DLGAP3: variants seen among roughly 807,000 people sequenced by gnomAD.
The protein encoded by DLGAP3 is DLG associated protein 3.
In DLGAP3, 17 loss-of-function variants were observed where a neutral mutation model predicts 81.2. The observed-to-expected ratio is 0.21, with a 90% CI of 0.14 to 0.31. The LOEUF (loss-of-function observed/expected upper bound fraction) is 0.31, where lower values mean the gene tolerates loss of function less well. DLGAP3 is among the 10% of genes least tolerant of loss of function. The pLI is 1.00. For missense variants in DLGAP3, 1,124 were observed against 1,388.0 expected (o/e 0.81, Z 3.02); for synonymous variants, 577 against 587.4 (o/e 0.98, Z 0.26).
At position 34,866,253 on chromosome 1, in the gene DLGAP3, G is replaced by T; in HGVS notation, c.2770C>A (p.Arg924=). 1 of 1,560,542 alleles carries T rather than the reference G, an allele frequency of 6.4e-7. No individual in the cohort carries two copies. The change falls in exon 12 of 12, where the codon CGG becomes AGG. Residue 924 remains arginine (R), a synonymous_variant. Coordinates refer to ENST00000373347, the MANE Select transcript of DLGAP3 (RefSeq NM_001080418.3). ...PPIPKKPLRG[R]GVPVKERSLD... ...GAGCGCTCCTTCACCGGCACGCCCC[G>T]GCCCCGCAGGGGCTTCTTTGGTATC... is the stretch of plus-strand genomic sequence containing the variant.
chr1:34,897,811 T>A (rs1639400710), intron 5 of DLGAP3, among the ~76,000 whole-genome samples: 1 of 152,180 alleles, frequency 6.6e-6, no homozygotes, highest in Non-Finnish European at 1.5e-5. Context: ...GAGGAGTGGT[T>A]GGATCCTGGA....
intron 1 of DLGAP3, among the ~76,000 whole-genome samples, chr1:34,915,658 G>A (rs1054134246): frequency 2.0e-5 from 3 of 152,272 alleles, no homozygotes; most frequent in East Asian, 1.9e-4. Flanking sequence ...AGCCAACCAC[G>A]AAGGCTGGCT....
intron 1 of DLGAP3, among the ~76,000 whole-genome samples, chr1:34,907,943 GCCCTCC>G (rs974859308): frequency 5.9e-5 from 9 of 152,186 alleles, no homozygotes; most frequent in African/African-American, 2.2e-4. Flanking sequence ...CCACCTCAAA[GCCCTCC>G]CCCTGGCTAA....
chr1:34,867,352 C>T lies in DLGAP3; in HGVS notation c.2578-161G>A, dbSNP rs780172211. ...GGACAAGAGCGAGCCCAGGACTCCC[C>T]TTCTTGTGCACAAACACCTGGTCCT... On this transcript the variant is annotated intron_variant, in intron 10 of 11. Coordinates refer to ENST00000373347, the MANE Select transcript of DLGAP3 (RefSeq NM_001080418.3). This position sits in a 1 kb window ranked among gnomAD's most constrained non-coding sequence, Gnocchi z 4.3. Among the ~76,000 whole-genome samples the T allele has an allele frequency of 1.3e-5, 2 of 152,124 alleles. No individual in the cohort carries two copies. The highest frequency in any genetic ancestry group is 2.9e-5 in the Non-Finnish European group (2 of 68,012).
chr1:34,889,203 A>C (rs749887692), intron 5 of DLGAP3, among the ~76,000 whole-genome samples: 3 of 152,116 alleles, frequency 2.0e-5, no homozygotes, highest in Non-Finnish European at 4.4e-5. Flanking sequence ...AATCCCACCC[A>C]CAGGCAATAC....
At chr1:34,901,186 G>A (rs1259965384) in intron 3 of DLGAP3, among the ~76,000 whole-genome samples, 4 of 152,114 alleles carry the variant, frequency 2.6e-5, no homozygotes, top group Non-Finnish European at 5.9e-5. Context: ...GGGAGTCATG[G>A]GCGGCAGCTG....
Position 34,865,881 on chromosome 1 carries a change from GC to G in DLGAP3, c.*201del, listed in dbSNP as rs1638865602. 4 of 669,330 alleles carry G rather than the reference GC, an allele frequency of 6.0e-6. No individual in the cohort carries two copies. Among genetic ancestry groups the G allele is most frequent in the Admixed American group, 4.4e-5 (2 of 45,200 alleles). The allele number at this position is 669,330 out of a possible 1,614,324, so 41.5% of individuals were successfully genotyped here. Reference sequence around the variant, plus strand: ...GAGGGGCGCAGGGCGGAGAGGCACGGCCCCCTGCCCAGCCCGGGCGCCTTCG... The same window carrying G: ...GAGGGGCGCAGGGCGGAGAGGCACGGCCCCTGCCCAGCCCGGGCGCCTTCG... On this transcript the variant is annotated 3_prime_UTR_variant, in exon 12 of 12. Transcript: ENST00000373347.
Position 34,867,234 on chromosome 1 carries a change from G to C in DLGAP3, c.2578-43C>G. ...GGAGGGAAAGTGATTGGTCAAGGAGGTCTGAGCCCCAGCCAGGACAAGAGA... is the reference window on the plus strand; with the variant it reads ...GGAGGGAAAGTGATTGGTCAAGGAGCTCTGAGCCCCAGCCAGGACAAGAGA... On this transcript the variant is annotated intron_variant, in intron 10 of 11. Transcript: ENST00000373347. This position sits in a 1 kb window ranked among gnomAD's most constrained non-coding sequence, Gnocchi z 4.3. The C allele has an allele frequency of 6.2e-7, 1 of 1,613,188 alleles. No individual in the cohort carries two copies. The highest frequency in any genetic ancestry group is 8.5e-7 in the Non-Finnish European group (1 of 1,179,456).
chr1:34,903,778 C>A (rs1170973519), intron 3 of DLGAP3, among the ~76,000 whole-genome samples: 5 of 152,226 alleles, frequency 3.3e-5, no homozygotes, highest in Non-Finnish European at 7.3e-5. Context: ...CCCGGAATGA[C>A]AAACCTCAGC....
At chr1:34,922,942 T>C (rs913110496) in intron 1 of DLGAP3, among the ~76,000 whole-genome samples, 3 of 151,884 alleles carry the variant, frequency 2.0e-5, no homozygotes, top group South Asian at 2.1e-4. Context: ...CCACTCTCAG[T>C]GGGAAAAAAT....
intron 8 of DLGAP3, among the ~76,000 whole-genome samples, chr1:34,869,529 GC>G (rs1431974673): frequency 4.4e-5 from 5 of 112,836 alleles, no homozygotes; most frequent in Non-Finnish European, 8.5e-5. Context: ...TGCTCTTGTT[GC>G]CCAGGCTGGA....
chr1:34,910,214 T>C (rs1350697619), intron 1 of DLGAP3, among the ~76,000 whole-genome samples: 1 of 152,174 alleles, frequency 6.6e-6, no homozygotes, highest in Non-Finnish European at 1.5e-5. Context: ...TGATAAGGAA[T>C]GCGCTCTTTA....
In DLGAP3 at chr1:34,895,347, G is replaced by A. The variant is rs189015160; in HGVS notation, c.1386+4322C>T. Among the ~76,000 whole-genome samples the A allele has an allele frequency of 1.3e-3, 196 of 146,626 alleles. 1 individual carries two copies. The highest frequency in any genetic ancestry group is 2.4e-3 in the Admixed American group (35 of 14,444). ...CATGCCACTGCACTCCTACCTGGGC[G>A]ACAGAGCGAGACTGTCTCAAAAAAA... On this transcript the variant is annotated intron_variant, in intron 5 of 11. Coordinates refer to ENST00000373347, the MANE Select transcript of DLGAP3 (RefSeq NM_001080418.3). The surrounding 1 kb of genome is among the most constrained non-coding windows in gnomAD (Gnocchi z 4.5).
At chr1:34,875,791 C>T (rs1639041635) in intron 8 of DLGAP3, among the ~76,000 whole-genome samples, 1 of 152,230 alleles carries the variant, frequency 6.6e-6, no homozygotes, top group African/African-American at 2.4e-5. Flanking sequence ...TCTCTCTCAC[C>T]ACAAGGCCTT....
intron 1 of DLGAP3, among the ~76,000 whole-genome samples, chr1:34,914,883 T>C (rs1639692977): frequency 6.6e-6 from 1 of 152,162 alleles, no homozygotes; most frequent in Non-Finnish European, 1.5e-5. Flanking sequence ...GAATTTCTGT[T>C]TGCCTGGGCT....
intron 1 of DLGAP3, among the ~76,000 whole-genome samples, chr1:34,912,956 C>T (rs567327025): frequency 7.9e-5 from 12 of 152,336 alleles, no homozygotes; most frequent in Non-Finnish European, 8.8e-5. Context: ...ACTGGCTTTG[C>T]CCAGATGCCT....
intron 8 of DLGAP3, among the ~76,000 whole-genome samples, chr1:34,877,716 T>A (rs375441845): frequency 4.6e-5 from 7 of 152,322 alleles, no homozygotes; most frequent in African/African-American, 1.4e-4. Flanking sequence ...AGGACAGAAG[T>A]ACTGACTAAT....
At chr1:34,890,820 C>T (rs762097121) in intron 5 of DLGAP3, among the ~76,000 whole-genome samples, 16 of 152,208 alleles carry the variant, frequency 1.1e-4, no homozygotes, top group Non-Finnish European at 1.5e-4. Context: ...CACTCAGATT[C>T]CTGATCCACA....
Position 34,873,595 on chromosome 1 carries a change from C to G in DLGAP3, c.2001-4506G>C, listed in dbSNP as rs941691497. On this transcript the variant is annotated intron_variant, in intron 8 of 11. Transcript: ENST00000373347. The surrounding 1 kb of genome is among the most constrained non-coding windows in gnomAD (Gnocchi z 4.2). ...GAAGTAGAATGGTTTGCAGCTCTCA[C>G]TGAAAAGAGAGGGAGCTGGACAAAC... is the stretch of plus-strand genomic sequence containing the variant. 2.0e-5 allele frequency among the ~76,000 whole-genome samples: 3 copies of G among 152,202 alleles called. No homozygotes were observed. Among genetic ancestry groups the G allele is most frequent in the African/African-American group, 7.2e-5 (3 of 41,432 alleles).
Sources: gnomAD v4.1 joint callset for allele counts (sites outside exome capture counted in the v4.1 genomes callset) on GRCh38, gnomAD v4.1.1 for gene constraint, Gnocchi (gnomAD v3.1) non-coding constraint, MANE v1.5 for transcripts, NCBI Gene and HGNC (gene_info 2026-07-23, HGNC 2026-07-21) for gene names.